MAN1A2: variants seen among roughly 807,000 people sequenced by gnomAD.
MAN1A2 encodes the protein mannosyl-oligosaccharide 1,2-alpha-mannosidase IB.
MAN1A2 carries 26 observed loss-of-function variants against 75.7 expected under a neutral mutation model. That is an observed-to-expected ratio of 0.34 (90% CI 0.25 to 0.48). MAN1A2 has a LOEUF of 0.48. Among genes scored for constraint, MAN1A2 ranks in the 20% least tolerant of loss-of-function variants. MAN1A2 has a pLI of 0.99. For missense variants in MAN1A2, 562 were observed against 775.5 expected, an observed-to-expected ratio of 0.72 and a Z score of 3.27; for synonymous variants, 247 against 264.6, an observed-to-expected ratio of 0.93 and a Z score of 0.65.
At chr1:117,460,943 G>A (rs767893583) in intron 7 of MAN1A2, among the ~76,000 whole-genome samples, 20 of 152,078 alleles carry the variant, frequency 1.3e-4, no homozygotes, top group Non-Finnish European at 2.1e-4. Flanking sequence ...TGAAAAGGAG[G>A]AAAGAAAACA....
chr1:117,418,762 C>G (rs12116979), intron 4 of MAN1A2, among the ~76,000 whole-genome samples: 18,250 of 152,014 alleles, frequency 0.12, 1,156 homozygotes, highest in Non-Finnish European at 0.14. Context: ...TTCTGTCCCT[C>G]TAGAATTTCT....
At chr1:117,463,415 T>C (rs2101838711) in intron 7 of MAN1A2, among the ~76,000 whole-genome samples, 1 of 152,146 alleles carries the variant, frequency 6.6e-6, no homozygotes, top group East Asian at 1.9e-4. Context: ...AGCAGAGTTC[T>C]CACCTCTCAT....
At chr1:117,373,456 G>A (rs1429863237) in intron 1 of MAN1A2, among the ~76,000 whole-genome samples, 1 of 149,910 alleles carries the variant, frequency 6.7e-6, no homozygotes, top group African/African-American at 2.5e-5. Context: ...GTCAACAACA[G>A]ACTGGTGTAG....
intron 8 of MAN1A2, among the ~76,000 whole-genome samples, chr1:117,477,139 A>C (rs1490408001): frequency 2.6e-5 from 4 of 151,986 alleles, no homozygotes. Context: ...TTGAGGCAGT[A>C]ATAGTCTATG....
chr1:117,513,376 A>AT (rs1045031150), intron 12 of MAN1A2, among the ~76,000 whole-genome samples: 6 of 151,956 alleles, frequency 3.9e-5, no homozygotes, highest in African/African-American at 1.4e-4. Flanking sequence ...TTTACATAAT[A>AT]TTTTTTAGGT....
intron 3 of MAN1A2, among the ~76,000 whole-genome samples, chr1:117,406,408 A>G (rs1366145211): frequency 6.6e-6 from 1 of 152,188 alleles, no homozygotes; most frequent in African/African-American, 2.4e-5. Context: ...GTCACAAACT[A>G]GTTATATGCA....
At chr1:117,376,314 CA>C (rs10717316) in intron 1 of MAN1A2, among the ~76,000 whole-genome samples, 117,349 of 152,094 alleles carry the variant, frequency 0.77, 45,559 homozygotes, top group African/African-American at 0.84. Flanking sequence ...CAGCATGACT[CA>C]AGTGAGTTTG....
At chr1:117,518,850 G>A (rs11580284) in intron 12 of MAN1A2, among the ~76,000 whole-genome samples, 18,269 of 151,970 alleles carry the variant, frequency 0.12, 1,157 homozygotes, top group Non-Finnish European at 0.14. Context: ...ACAGATATAT[G>A]CAGAACATTC....
chr1:117,381,303 A>G (rs1570696300), intron 1 of MAN1A2, among the ~76,000 whole-genome samples: 2 of 152,100 alleles, frequency 1.3e-5, no homozygotes, highest in African/African-American at 4.8e-5. Flanking sequence ...GTCATTTAGC[A>G]TTAGGTATAT....
At chr1:117,459,665 C>T (rs933581509) in intron 6 of MAN1A2, among the ~76,000 whole-genome samples, 3 of 151,870 alleles carry the variant, frequency 2.0e-5, no homozygotes, top group Admixed American at 6.6e-5. Context: ...AATTACTAGA[C>T]AGATTAAAAA....
intron 12 of MAN1A2, among the ~76,000 whole-genome samples, chr1:117,520,973 C>G (rs1381381302): frequency 6.6e-6 from 1 of 151,930 alleles, no homozygotes; most frequent in Non-Finnish European, 1.5e-5. Flanking sequence ...AATAGGCACA[C>G]AGACCAATGG....
chr1:117,488,338 G>C (rs1428636160), intron 8 of MAN1A2, among the ~76,000 whole-genome samples: 1 of 151,882 alleles, frequency 6.6e-6, no homozygotes, highest in African/African-American at 2.4e-5. Flanking sequence ...TGGGATTACA[G>C]GGGTGCACCA....
At chr1:117,455,808 A>G (rs1003637473) in intron 6 of MAN1A2, among the ~76,000 whole-genome samples, 3 of 151,070 alleles carry the variant, frequency 2.0e-5, no homozygotes, top group African/African-American at 4.9e-5. Context: ...TTTTTACTTT[A>G]TGCTTTTTCA....
chr1:117,383,757 T>G (rs1163208136), intron 1 of MAN1A2, among the ~76,000 whole-genome samples: 4 of 152,126 alleles, frequency 2.6e-5, no homozygotes, highest in East Asian at 1.9e-4. Flanking sequence ...AAATTTTTTT[T>G]TTTTTTAAGC....
chr1:117,429,408 C>T (rs1367993256), intron 5 of MAN1A2, among the ~76,000 whole-genome samples: 16 of 132,610 alleles, frequency 1.2e-4, no homozygotes, highest in South Asian at 5.0e-4. Flanking sequence ...ACCTCCCGGA[C>T]GGGGCGGCTG....
At chr1:117,489,675 C>T (rs904653215) in intron 8 of MAN1A2, among the ~76,000 whole-genome samples, 6 of 151,984 alleles carry the variant, frequency 3.9e-5, no homozygotes, top group East Asian at 1.9e-4. Flanking sequence ...TTTTGTATTT[C>T]GCTTAAGATC....
At chr1:117,451,116 C>T (rs1345464499) in intron 6 of MAN1A2, among the ~76,000 whole-genome samples, 1 of 152,228 alleles carries the variant, frequency 6.6e-6, no homozygotes, top group Non-Finnish European at 1.5e-5. Flanking sequence ...CCCTGCAAAG[C>T]CATAGGGGCA....
At chr1:117,446,562 G>A (rs1649242660) in intron 6 of MAN1A2, among the ~76,000 whole-genome samples, 1 of 151,772 alleles carries the variant, frequency 6.6e-6, no homozygotes, top group African/African-American at 2.4e-5. Flanking sequence ...TTTTATAATT[G>A]TGTGGTTCAA....
intron 9 of MAN1A2, among the ~76,000 whole-genome samples, chr1:117,495,274 G>T (rs1172071789): frequency 6.6e-6 from 1 of 151,546 alleles, no homozygotes; most frequent in Non-Finnish European, 1.5e-5. Flanking sequence ...CCTAATAAAT[G>T]TTTTTTAATA....
Sources: gnomAD v4.1 joint callset for allele counts (sites outside exome capture counted in the v4.1 genomes callset) on GRCh38, gnomAD v4.1.1 for gene constraint, MANE v1.5 for transcripts, NCBI Gene and HGNC (gene_info 2026-07-23, HGNC 2026-07-21) for gene names.